Variants in TSHZ2 observed in about 807,000 individuals in gnomAD.
TSHZ2 encodes teashirt zinc finger homeobox 2, also known as teashirt homolog 2.
TSHZ2 carries 21 observed loss-of-function variants against 74.4 expected under a neutral mutation model. The ratio of observed to expected loss-of-function variants is 0.28; its 90% CI spans 0.20 to 0.41. TSHZ2 has a LOEUF of 0.41. TSHZ2 is among the 10% of genes least tolerant of loss of function. The pLI, the probability that TSHZ2 is intolerant of heterozygous loss-of-function variation, is 1.00. For synonymous variants in TSHZ2, 540 were observed against 515.3 expected (o/e 1.05, Z -0.65); for missense variants, 1,244 against 1,293.5 (o/e 0.96, Z 0.59).
chr20:53,187,394 G>T (rs1020145173), intron 1 of TSHZ2, among the ~76,000 whole-genome samples: 1 of 152,206 alleles, frequency 6.6e-6, no homozygotes, highest in African/African-American at 2.4e-5. Context: ...AATGGGAGAG[G>T]TGTCTGTGTT....
intron 1 of TSHZ2, among the ~76,000 whole-genome samples, chr20:53,030,173 C>G (rs1983584654): frequency 6.6e-6 from 1 of 151,998 alleles, no homozygotes; most frequent in South Asian, 2.1e-4. Flanking sequence ...CAGGAAGTAC[C>G]AGAGCTAAGA....
At chr20:53,277,926 A>G (rs1990978499) in intron 2 of TSHZ2, among the ~76,000 whole-genome samples, 1 of 152,196 alleles carries the variant, frequency 6.6e-6, no homozygotes, top group Admixed American at 6.5e-5. Context: ...AAATCCAACT[A>G]ACACGCTCCT....
chr20:53,436,001 C>T (rs1206270036), intron 2 of TSHZ2, among the ~76,000 whole-genome samples: 1 of 152,244 alleles, frequency 6.6e-6, no homozygotes, highest in African/African-American at 2.4e-5. Flanking sequence ...AGCACAGTGC[C>T]TTGCACGTAA....
At position 53,297,840 on chromosome 20, in the gene TSHZ2, T is replaced by C. The variant is rs181662388; in HGVS notation, c.*8+41269T>C. On this transcript the variant is annotated intron_variant, in intron 2 of 2. Transcript: ENST00000371497. ...GACACACTGAAACACTAGATAAATATTGCCTGTAATTATCATGTGACCTAT... is the reference window on the plus strand; with the variant it reads ...GACACACTGAAACACTAGATAAATACTGCCTGTAATTATCATGTGACCTAT... Among the ~76,000 whole-genome samples, 242 of 152,322 alleles carry C rather than the reference T, an allele frequency of 1.6e-3. 3 individuals are homozygous for C. The highest frequency in any genetic ancestry group is 0.013 in the Admixed American group (195 of 15,302).
intron 1 of TSHZ2, among the ~76,000 whole-genome samples, chr20:53,189,938 G>A (rs1190255659): frequency 6.7e-6 from 1 of 150,010 alleles, no homozygotes; most frequent in Non-Finnish European, 1.5e-5. Context: ...ACAAAAATTA[G>A]CTGAGCGTGA....
intron 2 of TSHZ2, among the ~76,000 whole-genome samples, chr20:53,351,866 T>C (rs1980657746): frequency 6.6e-6 from 1 of 152,194 alleles, no homozygotes; most frequent in Non-Finnish European, 1.5e-5. Context: ...CACTTATTGG[T>C]TTTATGACCT....
At chr20:53,020,897 CT>C (rs1190014817) in intron 1 of TSHZ2, among the ~76,000 whole-genome samples, 1 of 152,256 alleles carries the variant, frequency 6.6e-6, no homozygotes, top group African/African-American at 2.4e-5. Context: ...AGGCACACCA[CT>C]TACCAGCTAT....
chr20:53,270,121 A>G (rs1479635869), intron 2 of TSHZ2, among the ~76,000 whole-genome samples: 1 of 152,028 alleles, frequency 6.6e-6, no homozygotes, highest in Non-Finnish European at 1.5e-5. Flanking sequence ...GATGTCTGAT[A>G]CTATATCCTT....
intron 1 of TSHZ2, among the ~76,000 whole-genome samples, chr20:53,085,092 G>A (rs914429985): frequency 2.6e-5 from 4 of 152,068 alleles, no homozygotes; most frequent in Non-Finnish European, 5.9e-5. Context: ...TGGGTGTGGT[G>A]GCTCACGACT....
intron 1 of TSHZ2, among the ~76,000 whole-genome samples, chr20:53,237,914 G>C (rs1243850256): frequency 1.3e-5 from 2 of 152,156 alleles, no homozygotes; most frequent in African/African-American, 4.8e-5. Flanking sequence ...TCAAGTCATT[G>C]GGGGATGATA....
At chr20:53,275,849 C>G (rs771099623) in intron 2 of TSHZ2, among the ~76,000 whole-genome samples, 1 of 152,140 alleles carries the variant, frequency 6.6e-6, no homozygotes, top group Non-Finnish European at 1.5e-5. Flanking sequence ...ATCGCTTGAA[C>G]CAGGAAGGTG....
At chr20:53,022,439 T>C (rs945511879) in intron 1 of TSHZ2, among the ~76,000 whole-genome samples, 2 of 152,202 alleles carry the variant, frequency 1.3e-5, no homozygotes, top group African/African-American at 4.8e-5. Flanking sequence ...CTGGACCGTC[T>C]ATCAATATTT....
chr20:53,081,834 A>G (rs1212622463), intron 1 of TSHZ2, among the ~76,000 whole-genome samples: 2 of 152,164 alleles, frequency 1.3e-5, no homozygotes, highest in East Asian at 3.9e-4. Context: ...GGTCCTTTTT[A>G]GAAACACACA....
intron 2 of TSHZ2, among the ~76,000 whole-genome samples, chr20:53,454,782 A>C (rs1984983489): frequency 6.6e-6 from 1 of 152,094 alleles, no homozygotes; most frequent in Non-Finnish European, 1.5e-5. Context: ...TCTCCCAGTC[A>C]ATTTGAGAAA....
At chr20:53,438,728 A>T (rs1984193530) in intron 2 of TSHZ2, among the ~76,000 whole-genome samples, 1 of 152,218 alleles carries the variant, frequency 6.6e-6, no homozygotes, top group Admixed American at 6.5e-5. Context: ...TGGGAGGCCA[A>T]GGCAGGTGGA....
chr20:53,327,493 GA>G (rs1200487079), intron 2 of TSHZ2, among the ~76,000 whole-genome samples: 1 of 152,042 alleles, frequency 6.6e-6, no homozygotes. Flanking sequence ...CTCAAAAAAA[GA>G]AAAAAGAAAT....
intron 1 of TSHZ2, among the ~76,000 whole-genome samples, chr20:53,096,653 G>C (rs988567954): frequency 3.3e-5 from 5 of 151,876 alleles, no homozygotes; most frequent in Non-Finnish European, 5.9e-5. Context: ...GAGGCCGAGG[G>C]GGGTGGATCA....
At chr20:53,275,970 A>G (rs369145817) in intron 2 of TSHZ2, among the ~76,000 whole-genome samples, 1 of 152,234 alleles carries the variant, frequency 6.6e-6, no homozygotes, top group Non-Finnish European at 1.5e-5. Flanking sequence ...TGTTAAGTCT[A>G]CATTGTGTAT....
chr20:53,226,689 A>G (rs1426808690), intron 1 of TSHZ2, among the ~76,000 whole-genome samples: 3 of 152,158 alleles, frequency 2.0e-5, no homozygotes, highest in Non-Finnish European at 4.4e-5. Flanking sequence ...AGGCTCGGCC[A>G]TATTACCATT....
Sources: gnomAD v4.1 joint callset for allele counts (sites outside exome capture counted in the v4.1 genomes callset) on GRCh38, gnomAD v4.1.1 for gene constraint, MANE v1.5 for transcripts, NCBI Gene and HGNC (gene_info 2026-07-23, HGNC 2026-07-21) for gene names.